Variants in RAB22A observed in about 807,000 individuals in gnomAD.
RAB22A encodes RAB22A, member RAS oncogene family.
Under a neutral mutation model 30.2 loss-of-function variants are expected in RAB22A, and 13 were observed. That is an observed-to-expected ratio of 0.43 (90% CI 0.28 to 0.68). RAB22A has a LOEUF of 0.68. Ranked by LOEUF, RAB22A falls within the 30% of genes least tolerant of loss-of-function variation. RAB22A has a pLI of 0.18. For synonymous variants in RAB22A, 89 were observed against 87.2 expected (o/e 1.02, Z -0.11); for missense variants, 177 against 246.8 (o/e 0.72, Z 1.89).
chr20:58,350,951 G>A lies in RAB22A; in HGVS notation c.199-2322G>A, dbSNP rs1208837219. Among the ~76,000 whole-genome samples, 3 of 152,198 alleles carry A rather than the reference G, an allele frequency of 2.0e-5. 1 individual carries two copies. Among genetic ancestry groups the A allele is most frequent in the Admixed American group, 2.0e-4 (3 of 15,286 alleles). ...AGATTTAGATTATTTGACAGTGGTAGTACAAAGAATGGTAGGATAACAAGA... is the reference window on the plus strand; with the variant it reads ...AGATTTAGATTATTTGACAGTGGTAATACAAAGAATGGTAGGATAACAAGA... On this transcript the variant is annotated intron_variant, in intron 3 of 6. Coordinates refer to ENST00000244040, the MANE Select transcript of RAB22A (RefSeq NM_020673.3).
At chr20:58,359,549 T>C in intron 6 of RAB22A, 57 bp from the exon 7 acceptor site, 9 of 1,256,350 alleles carry the variant, frequency 7.2e-6, no homozygotes, top group South Asian at 1.5e-5. Context: ...ATCTGCAAAA[T>C]TGTTGTGTCT....
In RAB22A at chr20:58,364,055, G is replaced by A. The variant is rs1250079685; in HGVS notation, c.*4352G>A. The A allele has an allele frequency of 1.3e-5, 2 of 152,576 alleles. No individual in the cohort carries two copies. The highest frequency in any genetic ancestry group is 2.9e-5 in the Non-Finnish European group (2 of 68,038). 9.5% of individuals were successfully genotyped at this position (152,576 alleles called of 1,614,324 possible). A position where few individuals can be genotyped will look rare whatever the true frequency, so the allele number is the denominator to read the frequency against. On this transcript the variant is annotated 3_prime_UTR_variant, in exon 7 of 7. Transcript: ENST00000244040. ...CAAGAAACTTTAATGGAATTCTGGG[G>A]CATTTGTCCTGTTTTATGTGCAAAT...
rs1024457729 is a variant in RAB22A at position 58,362,620 on chromosome 20, T to G, written c.*2917T>G. 6.6e-6 allele frequency: 1 copy of G among 152,256 alleles called. No individual in the cohort carries two copies. The highest frequency in any genetic ancestry group is 1.5e-5 in the Non-Finnish European group (1 of 68,042). 9.4% of individuals were successfully genotyped at this position (152,256 alleles called of 1,614,324 possible). ...TCCAGAACTCTCACACAAGTGTTTT[T>G]CTGATTCTATGATAACTAATTAACC... On this transcript the variant is annotated 3_prime_UTR_variant, in exon 7 of 7. Transcript: ENST00000244040.
chr20:58,331,312 C>T lies in RAB22A; in HGVS notation c.117-12406C>T, dbSNP rs1042526180. ...ACCACACAGTGTTTTTTTTAATCTT[C>T]GTAGTAAATATTAAAATCTATAATC... is the stretch of plus-strand genomic sequence containing the variant. On this transcript the variant is annotated intron_variant, in intron 2 of 6. Coordinates refer to ENST00000244040, the MANE Select transcript of RAB22A (RefSeq NM_020673.3). Among the ~76,000 whole-genome samples, 6 of 151,970 alleles carry T rather than the reference C, an allele frequency of 3.9e-5. 1 individual carries two copies. The South Asian group carries it at 1.0e-3, about 26-fold the overall frequency.
intron 6 of RAB22A, among the ~76,000 whole-genome samples, chr20:58,354,882 G>A (rs987912398): frequency 4.6e-5 from 7 of 152,288 alleles, no homozygotes; most frequent in East Asian, 1.9e-4. Context: ...CTCCTGGAGC[G>A]CACATTCTAC....
chr20:58,335,057 C>T (rs1430265788), intron 2 of RAB22A, among the ~76,000 whole-genome samples: 1 of 152,136 alleles, frequency 6.6e-6, no homozygotes, highest in East Asian at 1.9e-4. Context: ...GATATAGTCA[C>T]GCAATTGAAT....
rs575173832 is a variant in RAB22A at position 58,314,666 on chromosome 20, C to A, written c.116+3544C>A. ...GACCAGCCTGGGCAACATGGTGAAA[C>A]CCCGTCTCTACTAAAAATACAAAAA... On this transcript the variant is annotated intron_variant, in intron 2 of 6. Transcript: ENST00000244040. Among the ~76,000 whole-genome samples the A allele has an allele frequency of 5.6e-4, 85 of 152,092 alleles. 1 individual carries two copies. Among genetic ancestry groups the A allele is most frequent in the African/African-American group, 2.0e-3 (82 of 41,504 alleles).
intron 2 of RAB22A, among the ~76,000 whole-genome samples, chr20:58,340,341 C>A (rs749661024): frequency 3.3e-5 from 5 of 152,152 alleles, no homozygotes; most frequent in Non-Finnish European, 7.4e-5. Context: ...AAGGACACTG[C>A]TTGGGCGTAC....
At chr20:58,314,216 C>A (rs554705988) in intron 2 of RAB22A, among the ~76,000 whole-genome samples, 1 of 152,184 alleles carries the variant, frequency 6.6e-6, no homozygotes, top group African/African-American at 2.4e-5. Context: ...ATCTGCCCGC[C>A]ACAATGCCAA....
chr20:58,324,552 C>T (rs565793825), intron 2 of RAB22A, among the ~76,000 whole-genome samples: 1 of 152,152 alleles, frequency 6.6e-6, no homozygotes, highest in South Asian at 2.1e-4. Context: ...ATTTTCAGTC[C>T]TCCTCGGTTG....
intron 2 of RAB22A, among the ~76,000 whole-genome samples, chr20:58,340,300 A>C (rs146769588): frequency 6.6e-6 from 1 of 151,866 alleles, no homozygotes; most frequent in African/African-American, 2.4e-5. Flanking sequence ...GGCTAGAAGG[A>C]GTTGGAGCTG....
At chr20:58,327,994 G>A (rs975285772) in intron 2 of RAB22A, among the ~76,000 whole-genome samples, 3 of 152,148 alleles carry the variant, frequency 2.0e-5, no homozygotes, top group South Asian at 4.1e-4. Context: ...ACGCAAATGG[G>A]TTCTGAGGAA....
chr20:58,313,587 C>G (rs1156757173), intron 2 of RAB22A, among the ~76,000 whole-genome samples: 1 of 152,218 alleles, frequency 6.6e-6, no homozygotes, highest in Non-Finnish European at 1.5e-5. Flanking sequence ...GCTCACTCTT[C>G]AGCCCTCCGT....
At chr20:58,321,364 CA>C (rs969305503) in intron 2 of RAB22A, among the ~76,000 whole-genome samples, 44 of 141,944 alleles carry the variant, frequency 3.1e-4, no homozygotes, top group South Asian at 4.5e-4. Context: ...AACTCCGTGT[CA>C]AAAAAAAAAA....
chr20:58,350,993 G>A (rs2122965822), intron 3 of RAB22A, among the ~76,000 whole-genome samples: 1 of 152,320 alleles, frequency 6.6e-6, no homozygotes, highest in South Asian at 2.1e-4. Flanking sequence ...ACTTTTGCAA[G>A]TCTCTGATAT....
In RAB22A at chr20:58,354,162, C is replaced by A. The variant is rs1324570741; in HGVS notation, c.384C>A (p.Val128=). ...TGTAGTTGTTGCCTTCCAGAGAAGT[C>A]ATGGAGAGAGATGCAAAGGACTACG... ...NKCDLIDVRE[V]MERDAKDYAD... The change falls in exon 6 of 7, where the codon GTC becomes GTA. Residue 128 remains valine (V), a synonymous_variant. Transcript: ENST00000244040. The A allele has an allele frequency of 6.2e-7, 1 of 1,611,348 alleles. No homozygotes were observed. The highest frequency in any genetic ancestry group is 1.1e-5 in the South Asian group (1 of 90,848).
At chr20:58,350,934 A>G (rs1182069660) in intron 3 of RAB22A, among the ~76,000 whole-genome samples, 4 of 152,264 alleles carry the variant, frequency 2.6e-5, no homozygotes, top group Non-Finnish European at 5.9e-5. Context: ...ATAGATTTAG[A>G]TTATTTGACA....
At chr20:58,346,690 A>C (rs1986955946) in intron 3 of RAB22A, among the ~76,000 whole-genome samples, 1 of 152,112 alleles carries the variant, frequency 6.6e-6, no homozygotes, top group Admixed American at 6.5e-5. Context: ...CTCCCATCAG[A>C]CTGTAACTCC....
intron 2 of RAB22A, among the ~76,000 whole-genome samples, chr20:58,312,174 C>G (rs948046430): frequency 6.6e-6 from 1 of 152,012 alleles, no homozygotes; most frequent in Non-Finnish European, 1.5e-5. Context: ...ATGCTGGTCT[C>G]GAACTCCTAA....
Sources: gnomAD v4.1 joint callset for allele counts (sites outside exome capture counted in the v4.1 genomes callset) on GRCh38, gnomAD v4.1.1 for gene constraint, MANE v1.5 for transcripts, NCBI Gene and HGNC (gene_info 2026-07-23, HGNC 2026-07-21) for gene names.